OCA2: variants seen among roughly 807,000 people sequenced by gnomAD.
OCA2 encodes P protein.
A neutral mutation model predicts 100.2 loss-of-function variants in OCA2; 77 were observed. That is an observed-to-expected ratio of 0.77 (90% CI 0.64 to 0.93). The LOEUF is 0.93. Among genes scored for constraint, OCA2 ranks in the 40% least tolerant of loss-of-function variants. The pLI is 0.00. For missense variants in OCA2, 1,062 were observed against 1,089.1 expected, an observed-to-expected ratio of 0.98 and a Z score of 0.35; for synonymous variants, 432 against 439.2, an observed-to-expected ratio of 0.98 and a Z score of 0.21.
chr15:27,950,520 G>A (rs1475268815), intron 18 of OCA2: 2 of 518,266 alleles, frequency 3.9e-6, no homozygotes, highest in Admixed American at 1.9e-5. Flanking sequence ...CAGCTCTCAG[G>A]TGTGGATAAA....
chr15:27,818,591 T>C lies in OCA2; in HGVS notation c.2432+26368A>G, dbSNP rs145253124. Among the ~76,000 whole-genome samples, 85 of 152,194 alleles carry C rather than the reference T, an allele frequency of 5.6e-4. 2 individuals carry two copies. Among genetic ancestry groups the C allele is most frequent in the African/African-American group, 2.0e-3 (82 of 41,528 alleles). On this transcript the variant is annotated intron_variant, in intron 23 of 23. Transcript: ENST00000354638. ...CATGGGATTAACAGAAGCAGATGTT[T>C]AAGCAGGAGCACCTGCCTGGTGCTC...
chr15:28,031,888 A>G (rs779897728), intron 3 of OCA2, among the ~76,000 whole-genome samples, 177 bp downstream of exon 3: 2 of 152,204 alleles, frequency 1.3e-5, no homozygotes, highest in Admixed American at 6.5e-5. Flanking sequence ...CCATCTGGAA[A>G]TTAATATCCA....
At chr15:28,054,381 T>C (rs2043622228) in intron 2 of OCA2, among the ~76,000 whole-genome samples, 1 of 152,168 alleles carries the variant, frequency 6.6e-6, no homozygotes, top group Non-Finnish European at 1.5e-5. Context: ...GCTGGTCCTC[T>C]GGAGATGGCC....
At chr15:27,754,049 CAGA>C, downstream of OCA2, among the ~76,000 whole-genome samples, 1 of 152,194 alleles carries the variant, frequency 6.6e-6, no homozygotes, top group East Asian at 1.9e-4. Context: ...CGGGAGTGGC[CAGA>C]AGAACCCTTC....
At chr15:27,888,191 C>G (rs960532495) in intron 19 of OCA2, among the ~76,000 whole-genome samples, 2 of 152,186 alleles carry the variant, frequency 1.3e-5, no homozygotes, top group Non-Finnish European at 2.9e-5. Flanking sequence ...CAAGGCAGCA[C>G]CCAGCAGCAC....
At chr15:27,875,827 A>C (rs2036768299) in intron 19 of OCA2, among the ~76,000 whole-genome samples, 1 of 152,026 alleles carries the variant, frequency 6.6e-6, no homozygotes, top group South Asian at 2.1e-4. Context: ...TATGCGCTAG[A>C]ATATGAGAAT....
At chr15:27,923,436 A>G (rs2038937080) in intron 19 of OCA2, among the ~76,000 whole-genome samples, 1 of 152,212 alleles carries the variant, frequency 6.6e-6, no homozygotes, top group African/African-American at 2.4e-5. Context: ...AGGAATCACC[A>G]CACTGCTTTC....
At chr15:27,999,487 T>C (rs2141098592) in intron 9 of OCA2, among the ~76,000 whole-genome samples, 1 of 152,276 alleles carries the variant, frequency 6.6e-6, no homozygotes. Flanking sequence ...AGACCATATA[T>C]AACAAGCCCA....
At chr15:27,825,468 G>A (rs1701987811) in intron 23 of OCA2, among the ~76,000 whole-genome samples, 3 of 152,200 alleles carry the variant, frequency 2.0e-5, no homozygotes, top group African/African-American at 4.8e-5. Context: ...GAGGGAGGCA[G>A]GGAAGCGGCC....
intron 11 of OCA2, among the ~76,000 whole-genome samples, chr15:27,987,490 C>T (rs1035175732): frequency 1.7e-4 from 25 of 151,008 alleles, no homozygotes; most frequent in African/African-American, 2.9e-4. Flanking sequence ...GAGGCCAAGG[C>T]GGGCGGATCA....
intron 19 of OCA2, among the ~76,000 whole-genome samples, chr15:27,917,411 T>C (rs2038706018): frequency 6.6e-6 from 1 of 152,160 alleles, no homozygotes; most frequent in South Asian, 2.1e-4. Context: ...GCTTTGAACA[T>C]GGATCCATCT....
chr15:27,738,507 G>A, the OCA2 span, among the ~76,000 whole-genome samples: 3 of 152,070 alleles, frequency 2.0e-5, no homozygotes, highest in East Asian at 1.9e-4. Context: ...AGGCCGAGGC[G>A]GGCAGATCAC....
At chr15:27,859,108 T>C (rs114900946) in intron 21 of OCA2, among the ~76,000 whole-genome samples, 2,488 of 151,992 alleles carry the variant, frequency 0.016, 72 homozygotes, top group African/African-American at 0.057. Context: ...ACTTCACACC[T>C]TAAGAAACTA....
intron 2 of OCA2, among the ~76,000 whole-genome samples, chr15:28,076,798 G>T (rs1231000636): frequency 7.1e-6 from 1 of 140,556 alleles, no homozygotes; most frequent in South Asian, 2.3e-4. Context: ...AGTGAGCCGA[G>T]ATTGCGCCAC....
intron 23 of OCA2, among the ~76,000 whole-genome samples, chr15:27,776,222 G>GTGGC (rs1212199940): frequency 6.6e-6 from 1 of 152,224 alleles, no homozygotes; most frequent in Non-Finnish European, 1.5e-5. Flanking sequence ...TGCACATGCA[G>GTGGC]ATATATACCC....
chr15:28,040,307 C>A (rs1487449871), intron 2 of OCA2, among the ~76,000 whole-genome samples: 12 of 151,970 alleles, frequency 7.9e-5, no homozygotes, highest in Non-Finnish European at 1.8e-4. Context: ...TACCTTGAGA[C>A]AAATGAAAAT....
chr15:28,054,208 G>A (rs972003541), intron 2 of OCA2, among the ~76,000 whole-genome samples: 16 of 149,150 alleles, frequency 1.1e-4, no homozygotes, highest in African/African-American at 4.0e-4. Flanking sequence ...ACATGTATGT[G>A]TGTATGTATG....
At chr15:28,063,397 T>C (rs2141684168) in intron 2 of OCA2, among the ~76,000 whole-genome samples, 1 of 152,308 alleles carries the variant, frequency 6.6e-6, no homozygotes, top group Middle Eastern at 3.4e-3. Flanking sequence ...ATTTAATCCA[T>C]CTATGTTTAA....
At chr15:28,082,765 T>G (rs866420239) in intron 1 of OCA2, among the ~76,000 whole-genome samples, 7 of 152,196 alleles carry the variant, frequency 4.6e-5, no homozygotes, top group Non-Finnish European at 1.0e-4. Context: ...GGGTCCTTTT[T>G]CTTTGGTTTT....
Sources: allele counts gnomAD v4.1 joint callset (sites outside exome capture counted in the v4.1 genomes callset), GRCh38; gene constraint gnomAD v4.1.1; transcripts MANE v1.5; gene names NCBI Gene and HGNC (gene_info 2026-07-23, HGNC 2026-07-21).